The following MACROD2 variants were observed in gnomAD, a reference collection of about 807,000 sequenced individuals.
MACROD2 encodes the protein mono-ADP ribosylhydrolase 2, also known as ADP-ribose glycohydrolase MACROD2.
A neutral mutation model predicts 70.4 loss-of-function variants in MACROD2; 36 were observed. The ratio of observed to expected loss-of-function variants is 0.51; its 90% CI spans 0.39 to 0.68. The LOEUF is 0.68. Among genes scored for constraint, MACROD2 ranks in the 30% least tolerant of loss-of-function variants. The probability of loss-of-function intolerance (pLI) is 0.00; values close to 1 mark genes in which losing one functional copy is unlikely to be tolerated. For missense variants in MACROD2, 496 were observed against 538.4 expected, an observed-to-expected ratio of 0.92 and a Z score of 0.78; for synonymous variants, 172 against 178.8, an observed-to-expected ratio of 0.96 and a Z score of 0.30.
intron 5 of MACROD2, among the ~76,000 whole-genome samples, chr20:15,042,460 C>T (rs1281049229): frequency 3.9e-5 from 6 of 152,114 alleles, no homozygotes; most frequent in Admixed American, 1.3e-4. Flanking sequence ...CAGAATGGGA[C>T]GTGTGTTTGG....
intron 5 of MACROD2, among the ~76,000 whole-genome samples, chr20:15,023,288 G>A (rs1194166690): frequency 6.6e-6 from 1 of 152,126 alleles, no homozygotes; most frequent in Non-Finnish European, 1.5e-5. Context: ...TTTTAAATGG[G>A]CATTTATATC....
At chr20:15,167,913 A>C (rs1246046105) in intron 5 of MACROD2, among the ~76,000 whole-genome samples, 1 of 152,136 alleles carries the variant, frequency 6.6e-6, no homozygotes, top group Non-Finnish European at 1.5e-5. Context: ...GAGACCACAA[A>C]ATCTGGAAAA....
At chr20:14,316,785 T>C (rs1601466740) in intron 3 of MACROD2, among the ~76,000 whole-genome samples, 2 of 152,192 alleles carry the variant, frequency 1.3e-5, no homozygotes, top group East Asian at 3.9e-4. Context: ...TTTGAGCATC[T>C]TTCCACCTCT....
At chr20:14,618,394 A>G (rs1467567089) in intron 4 of MACROD2, among the ~76,000 whole-genome samples, 1 of 152,140 alleles carries the variant, frequency 6.6e-6, no homozygotes, top group African/African-American at 2.4e-5. Context: ...TCTTCAACAA[A>G]TTACTTACCT....
chr20:14,312,230 C>T (rs1420117377), intron 3 of MACROD2, among the ~76,000 whole-genome samples: 1 of 152,070 alleles, frequency 6.6e-6, no homozygotes, highest in African/African-American at 2.4e-5. Flanking sequence ...CAGACCTGCT[C>T]AGTTACAATC....
chr20:16,052,929 T>A lies in MACROD2; in HGVS notation c.*3053T>A, dbSNP rs1005692840. 1.3e-5 allele frequency: 2 copies of A among 152,620 alleles called. No individual in the cohort carries two copies. The highest frequency in any genetic ancestry group is 2.9e-5 in the Non-Finnish European group (2 of 68,030). The allele number at this position is 152,620 out of a possible 1,614,324, so 9.5% of individuals were successfully genotyped here. A position where few individuals can be genotyped will look rare whatever the true frequency, so the allele number is the denominator to read the frequency against. ...AAAGGAAAATCAGAAAAAAAGTAAT[T>A]TTCTTGATCAAGATATGTTTTTACT... On this transcript the variant is annotated 3_prime_UTR_variant, in exon 18 of 18. Transcript: ENST00000684519.
intron 4 of MACROD2, among the ~76,000 whole-genome samples, 189 bp from the exon 5 acceptor site, chr20:14,684,654 C>CCT (rs1568737542): frequency 6.8e-6 from 1 of 147,154 alleles, no homozygotes; most frequent in Admixed American, 6.8e-5. Flanking sequence ...CCTCACCCCC[C>CCT]CCCCCCGGCC....
intron 8 of MACROD2, among the ~76,000 whole-genome samples, chr20:15,862,179 C>A (rs868331676): frequency 6.6e-6 from 1 of 152,204 alleles, no homozygotes; most frequent in African/African-American, 2.4e-5. Context: ...ATCGACCTTG[C>A]GTCACTGTCA....
At chr20:14,370,487 C>T (rs2145560) in intron 3 of MACROD2, among the ~76,000 whole-genome samples, 26,276 of 152,002 alleles carry the variant, frequency 0.17, 2,672 homozygotes, top group East Asian at 0.3. Context: ...AAAAAATTTA[C>T]ATAGACTCTT....
At chr20:15,937,577 A>C (rs2065684639) in intron 12 of MACROD2, 33 bp downstream of exon 12, 1 of 1,589,648 alleles carries the variant, frequency 6.3e-7, no homozygotes, top group South Asian at 1.1e-5. Context: ...TAATAATTGC[A>C]GACTCTTAAA....
chr20:14,432,156 C>T (rs950823805), intron 3 of MACROD2, among the ~76,000 whole-genome samples: 9 of 152,138 alleles, frequency 5.9e-5, no homozygotes, highest in East Asian at 1.9e-4. Flanking sequence ...GCTGTTATCA[C>T]GGCACTTCCC....
At chr20:15,916,309 C>T (rs1038348397) in intron 10 of MACROD2, among the ~76,000 whole-genome samples, 6 of 152,198 alleles carry the variant, frequency 3.9e-5, no homozygotes, top group Non-Finnish European at 8.8e-5. Context: ...TGGCAGCTGG[C>T]TTCCCTGAGA....
intron 7 of MACROD2, among the ~76,000 whole-genome samples, chr20:15,484,042 CTTTTATTTTATTTTA>C (rs3071258): frequency 2.2e-4 from 30 of 136,374 alleles, no homozygotes; most frequent in African/African-American, 2.9e-4. Flanking sequence ...ATCATTATGC[CTTTTATTTTATTTTA>C]TTTTATTTTA....
intron 8 of MACROD2, among the ~76,000 whole-genome samples, chr20:15,750,423 G>A (rs1002366254): frequency 3.3e-5 from 5 of 151,840 alleles, no homozygotes; most frequent in African/African-American, 4.8e-5. Flanking sequence ...TCGAGAAAAC[G>A]TAGTTTTCAT....
chr20:14,933,046 G>A (rs1298467623), intron 5 of MACROD2, among the ~76,000 whole-genome samples: 1 of 151,930 alleles, frequency 6.6e-6, no homozygotes, highest in Non-Finnish European at 1.5e-5. Context: ...AGAAAGAATA[G>A]TCTTCAGAGA....
At chr20:15,115,852 A>C (rs1214773349) in intron 5 of MACROD2, among the ~76,000 whole-genome samples, 1 of 152,180 alleles carries the variant, frequency 6.6e-6, no homozygotes, top group Admixed American at 6.5e-5. Flanking sequence ...TAAATTTTCT[A>C]GTTTCTTAGG....
intron 8 of MACROD2, among the ~76,000 whole-genome samples, chr20:15,604,162 T>C (rs1568923597): frequency 6.6e-6 from 1 of 151,934 alleles, no homozygotes; most frequent in African/African-American, 2.4e-5. Context: ...AAGGCATGAG[T>C]ATAGAAAGGG....
At position 14,577,792 on chromosome 20, in the gene MACROD2, G is replaced by GA. The variant is rs1555803921; in HGVS notation, c.301+84284_301+84285insA. On this transcript the variant is annotated intron_variant, in intron 4 of 17. Transcript: ENST00000684519. The stretch of plus-strand genomic sequence containing the variant: ...GCAAGATCATTTCTTAAAAAGAAAA[G>GA]GAAAGAGAAGAGAAGAGAAGAGAAG... Among the ~76,000 whole-genome samples the GA allele has an allele frequency of 4.7e-5, 7 of 148,662 alleles. No homozygotes were observed. In the South Asian group the frequency reaches 8.4e-4, roughly 18 times the overall value.
chr20:15,076,450 A>G (rs1231779130), intron 5 of MACROD2, among the ~76,000 whole-genome samples: 1 of 152,138 alleles, frequency 6.6e-6, no homozygotes, highest in Non-Finnish European at 1.5e-5. Flanking sequence ...CTCAATACAT[A>G]TTGTCAAATT....
Sources: allele counts gnomAD v4.1 joint callset (sites outside exome capture counted in the v4.1 genomes callset), GRCh38; gene constraint gnomAD v4.1.1; transcripts MANE v1.5; gene names NCBI Gene and HGNC (gene_info 2026-07-23, HGNC 2026-07-21).